The following SPI1 variants were observed in gnomAD, a reference collection of about 807,000 sequenced individuals.
SPI1 encodes Spi-1 proto-oncogene.
In SPI1, 3 loss-of-function variants were observed where a neutral mutation model predicts 30.7. The ratio of observed to expected loss-of-function variants is 0.10; its 90% CI spans 0.04 to 0.25. The LOEUF is 0.25. Ranked by LOEUF, SPI1 falls within the 10% of genes least tolerant of loss-of-function variation. The pLI is 1.00. For missense variants in SPI1, 261 were observed against 371.5 expected, an observed-to-expected ratio of 0.70 and a Z score of 2.45; for synonymous variants, 169 against 157.1, an observed-to-expected ratio of 1.08 and a Z score of -0.56.
intron 4 of SPI1, among the ~76,000 whole-genome samples, chr11:47,355,828 T>G (rs563693909): frequency 3.6e-5 from 5 of 140,608 alleles, no homozygotes; most frequent in African/African-American, 1.4e-4. Flanking sequence ...TACACACACA[T>G]GCTCACATCC....
chr11:47,358,382 C>T, intron 4 of SPI1: 1 of 611,988 alleles, frequency 1.6e-6, no homozygotes. Flanking sequence ...CTGACACCCA[C>T]TGACATCATA....
intron 2 of SPI1, among the ~76,000 whole-genome samples, chr11:47,363,366 CA>C (rs1252075881): frequency 6.6e-6 from 1 of 151,560 alleles, no homozygotes; most frequent in African/African-American, 2.4e-5. Context: ...ACTGAAAATA[CA>C]AAAATTAGCT....
At chr11:47,357,894 ATTCACACACCTGCT>A (rs2095914048) in intron 4 of SPI1, among the ~76,000 whole-genome samples, 1 of 147,306 alleles carries the variant, frequency 6.8e-6, no homozygotes, top group South Asian at 2.1e-4. Context: ...TCACACACTC[ATTCACACACCTGCT>A]TTCACACATA....
At chr11:47,371,355 A>G in intron 2 of SPI1, among the ~76,000 whole-genome samples, 1 of 6,194 alleles carries the variant, frequency 1.6e-4, no homozygotes, top group Non-Finnish European at 3.2e-4. Context: ...GCGAGAGTCC[A>G]TCTCAAAAAA....
chr11:47,356,038 A>G (rs575969165), intron 4 of SPI1, among the ~76,000 whole-genome samples: 1 of 151,066 alleles, frequency 6.6e-6, no homozygotes, highest in African/African-American at 2.4e-5. Flanking sequence ...ACACATGCAC[A>G]CACAATGCAC....
At position 47,375,376 on chromosome 11, in the gene SPI1, G is replaced by GCC. The variant is rs2095940877; in HGVS notation, c.142+256_142+257insGG. Among the ~76,000 whole-genome samples, 2 of 152,328 alleles carry GCC rather than the reference G, an allele frequency of 1.3e-5. No individual in the cohort carries two copies. The highest frequency in any genetic ancestry group is 4.8e-5 in the African/African-American group (2 of 41,572). ...AGCCTGTTTCCTTGTTTATAAAGAA[G>GCC]ACCACAAGGACAGAACCAGCAGATA... On this transcript the variant is annotated intron_variant, in intron 2 of 4. Transcript: ENST00000378538. This position sits in a 1 kb window ranked among gnomAD's most constrained non-coding sequence, Gnocchi z 4.2.
chr11:47,369,624 G>A (rs1368188575), intron 2 of SPI1, among the ~76,000 whole-genome samples: 1 of 148,648 alleles, frequency 6.7e-6, no homozygotes, highest in Non-Finnish European at 1.5e-5. Context: ...AAATTTAAAG[G>A]AACATGGAGT....
intron 4 of SPI1, chr11:47,358,481 C>A: frequency 1.5e-6 from 1 of 649,810 alleles, no homozygotes; most frequent in South Asian, 1.7e-5. Context: ...CACACCAGCT[C>A]TCACATTCAC....
chr11:47,377,622 A>G (rs925659888), intron 1 of SPI1, among the ~76,000 whole-genome samples: 5 of 150,354 alleles, frequency 3.3e-5, no homozygotes, highest in Non-Finnish European at 7.4e-5. Context: ...ACCCAGCCCC[A>G]ATCTCAGTCC....
intron 2 of SPI1, among the ~76,000 whole-genome samples, chr11:47,372,248 G>A (rs367724528): frequency 2.0e-5 from 3 of 152,172 alleles, no homozygotes; most frequent in African/African-American, 7.2e-5. Context: ...AGGAGTACAA[G>A]TGGGCACCAC....
rs1451394100 is a variant in SPI1, at chr11:47,355,218, G to A, written c.*9C>T. The A allele has an allele frequency of 2.2e-6, 3 of 1,358,170 alleles. No individual in the cohort carries two copies. Among genetic ancestry groups the A allele is most frequent in the African/African-American group, 3.1e-5 (2 of 64,872 alleles). The allele number at this position is 1,358,170 out of a possible 1,614,324, so 84.1% of individuals were successfully genotyped here. ...GGAGGCCTGGCGGGGCCCGGCGGGG[G>A]CTGCGGGCTCAGTGGGGCGGGTGGC... On this transcript the variant is annotated 3_prime_UTR_variant, in exon 5 of 5. Transcript: ENST00000378538.
At position 47,367,914 on chromosome 11, in the gene SPI1, C is replaced by T. The variant is rs578044957; in HGVS notation, c.142+7719G>A. Among the ~76,000 whole-genome samples the T allele has an allele frequency of 7.2e-5, 11 of 151,966 alleles. No individual in the cohort carries two copies. In the East Asian group the frequency reaches 2.2e-3, roughly 30 times the overall value. On this transcript the variant is annotated intron_variant, in intron 2 of 4. Transcript: ENST00000378538. ...CTGGGACTACAGGCACCCACCACCA[C>T]GCCTGGCTCATTTTTTGTATTTTTA...
Position 47,355,161 on chromosome 11 carries a change from G to C in SPI1, c.*66C>G. The C allele has an allele frequency of 8.2e-7, 1 of 1,224,370 alleles. No individual in the cohort carries two copies. Among genetic ancestry groups the C allele is most frequent in the Non-Finnish European group, 1.0e-6 (1 of 973,460 alleles). 75.8% of individuals were successfully genotyped at this position (1,224,370 alleles called of 1,614,324 possible). On this transcript the variant is annotated 3_prime_UTR_variant, in exon 5 of 5. Transcript: ENST00000378538. ...CCGGGAGCGTCCTCCCTGTGTCCGG[G>C]CCGGGCGAGGGCTTAATGCTATGGC...
chr11:47,364,387 C>T (rs2095925488), intron 2 of SPI1, among the ~76,000 whole-genome samples: 1 of 152,094 alleles, frequency 6.6e-6, no homozygotes, highest in South Asian at 2.1e-4. Context: ...CCGAAACTCT[C>T]CTCGCTGTAG....
intron 4 of SPI1, among the ~76,000 whole-genome samples, chr11:47,357,278 C>A (rs1235990072): frequency 2.5e-5 from 2 of 78,870 alleles, no homozygotes. Context: ...TCACACCTCA[C>A]AGCTGCTCAC....
rs2095917002 is a variant in SPI1 at position 47,359,182 on chromosome 11, AG to A, written c.331-177del. Among the ~76,000 whole-genome samples the A allele has an allele frequency of 6.6e-6, 1 of 152,080 alleles. No individual in the cohort carries two copies. The highest frequency in any genetic ancestry group is 1.5e-5 in the Non-Finnish European group (1 of 68,002). On this transcript the variant is annotated intron_variant, in intron 3 of 4. Coordinates refer to ENST00000378538, the MANE Select transcript of SPI1 (RefSeq NM_003120.3). This position sits in a 1 kb window ranked among gnomAD's most constrained non-coding sequence, Gnocchi z 5.1. ...GGGGGCCAGTTGAGGTGCTGCACAT[AG>A]GGTGCAGGCTGTGGGGCGAGGGGTG...
At chr11:47,357,510 AC>A (rs1327366934) in intron 4 of SPI1, among the ~76,000 whole-genome samples, 34 of 141,568 alleles carry the variant, frequency 2.4e-4, no homozygotes, top group African/African-American at 7.7e-4. Flanking sequence ...ACATCCACTC[AC>A]AGCAGCTCAC....
intron 4 of SPI1, 71 bp from the exon 5 acceptor site, chr11:47,355,617 C>G: frequency 3.0e-6 from 4 of 1,343,136 alleles, no homozygotes; most frequent in South Asian, 1.4e-5. Context: ...GCCTTGCGTA[C>G]GCACAGGGGC....
Position 47,374,641 on chromosome 11 carries a change from C to T in SPI1, c.142+992G>A, listed in dbSNP as rs922670722. Among the ~76,000 whole-genome samples the T allele has an allele frequency of 2.0e-5, 3 of 152,192 alleles. No individual in the cohort carries two copies. The highest frequency in any genetic ancestry group is 2.1e-4 in the South Asian group (1 of 4,834). ...GTCGCTGGTCTGCCCGGGTCCCAGA[C>T]GCCCTGAGGAATTCCCCAGTGACGA... On this transcript the variant is annotated intron_variant, in intron 2 of 4. Coordinates refer to ENST00000378538, the MANE Select transcript of SPI1 (RefSeq NM_003120.3). This position sits in a 1 kb window ranked among gnomAD's most constrained non-coding sequence, Gnocchi z 4.5.
Sources: allele counts gnomAD v4.1 joint callset (sites outside exome capture counted in the v4.1 genomes callset), GRCh38; gene constraint gnomAD v4.1.1; non-coding constraint Gnocchi (gnomAD v3.1); transcripts MANE v1.5; gene names NCBI Gene and HGNC (gene_info 2026-07-23, HGNC 2026-07-21).